TRIP4: variants seen among roughly 807,000 people sequenced by gnomAD.
TRIP4 encodes activating signal cointegrator 1.
In TRIP4, 54 loss-of-function variants were observed where a neutral mutation model predicts 81.8. The ratio of observed to expected loss-of-function variants is 0.66; its 90% CI spans 0.53 to 0.83. TRIP4 has a LOEUF of 0.83. Among genes scored for constraint, TRIP4 ranks in the 40% least tolerant of loss-of-function variants. TRIP4 has a pLI of 0.00. For synonymous variants in TRIP4, 270 were observed against 242.8 expected (o/e 1.11, Z -1.04); for missense variants, 662 against 683.6 (o/e 0.97, Z 0.35).
At chr15:64,436,926 C>T (rs1265174987) in intron 11 of TRIP4, among the ~76,000 whole-genome samples, 66 of 151,592 alleles carry the variant, frequency 4.4e-4, no homozygotes, top group Non-Finnish European at 5.9e-5. Context: ...CCAGGATGGT[C>T]TCCATCTCCT....
intron 4 of TRIP4, among the ~76,000 whole-genome samples, chr15:64,398,414 C>A (rs1036683147): frequency 2.2e-5 from 3 of 135,852 alleles, no homozygotes; most frequent in Admixed American, 7.4e-5. Context: ...GTAGGAAGAC[C>A]CTGTCTCTAC....
chr15:64,402,836 A>G (rs755630588), intron 5 of TRIP4, among the ~76,000 whole-genome samples: 1 of 148,500 alleles, frequency 6.7e-6, no homozygotes, highest in Non-Finnish European at 1.5e-5. Flanking sequence ...AGTTAAGGAC[A>G]TTATTTTTAT....
In TRIP4 at chr15:64,424,159, A is replaced by G. The variant is rs1892085810; in HGVS notation, c.1483+4A>G. On this transcript the variant is annotated splice_donor_region_variant and intron_variant, in intron 10 of 12. Coordinates refer to ENST00000261884, the MANE Select transcript of TRIP4 (RefSeq NM_016213.5). Reference sequence around the variant, plus strand: ...TATCGTCTTCTTCGTGGGAAAGGTAACAGCCGCATATTCTCCTTTCAATTT... The same window carrying G: ...TATCGTCTTCTTCGTGGGAAAGGTAGCAGCCGCATATTCTCCTTTCAATTT... The G allele has an allele frequency of 6.2e-7, 1 of 1,614,042 alleles. No individual in the cohort carries two copies. Among genetic ancestry groups the G allele is most frequent in the Non-Finnish European group, 8.5e-7 (1 of 1,180,028 alleles).
At chr15:64,427,605 G>T (rs1018419644) in intron 11 of TRIP4, among the ~76,000 whole-genome samples, 3 of 152,032 alleles carry the variant, frequency 2.0e-5, no homozygotes, top group Non-Finnish European at 2.9e-5. Flanking sequence ...TGAACTCCTG[G>T]CCTCAAGTGA....
intron 6 of TRIP4, among the ~76,000 whole-genome samples, chr15:64,408,950 C>T (rs1363162294): frequency 6.6e-6 from 1 of 152,094 alleles, no homozygotes; most frequent in Non-Finnish European, 1.5e-5. Context: ...CACAGTGGCT[C>T]ACACCTGTAA....
intron 1 of TRIP4, among the ~76,000 whole-genome samples, chr15:64,390,876 C>T (rs1439546427): frequency 6.6e-6 from 1 of 150,400 alleles, no homozygotes; most frequent in Non-Finnish European, 1.5e-5. Context: ...GCCTGGGCGA[C>T]AGAGCGAGAC....
At chr15:64,447,957 C>G (rs1892670725) in intron 12 of TRIP4, among the ~76,000 whole-genome samples, 1 of 152,162 alleles carries the variant, frequency 6.6e-6, no homozygotes, top group Non-Finnish European at 1.5e-5. Context: ...CCTTGGCCTC[C>G]TAAAGCGTTA....
At chr15:64,429,663 G>A (rs965984781) in intron 11 of TRIP4, among the ~76,000 whole-genome samples, 7 of 152,154 alleles carry the variant, frequency 4.6e-5, no homozygotes, top group African/African-American at 1.4e-4. Context: ...TACAGAACTG[G>A]TATCATGGTA....
At chr15:64,441,013 G>A (rs1198457872) in intron 11 of TRIP4, among the ~76,000 whole-genome samples, 2 of 149,716 alleles carry the variant, frequency 1.3e-5, no homozygotes, top group African/African-American at 4.9e-5. Context: ...TTATTTTTGA[G>A]ACCGAGTCTC....
chr15:64,397,723 G>A lies in TRIP4; in HGVS notation c.523G>A (p.Gly175Ser). The A allele has an allele frequency of 6.2e-7, 1 of 1,614,200 alleles. No homozygotes were observed. Among genetic ancestry groups the A allele is most frequent in the Non-Finnish European group, 8.5e-7 (1 of 1,180,034 alleles). The change falls in exon 4 of 13, where the codon GGC (glycine) becomes AGC (serine). Residue 175 changes from glycine (G) to serine (S), a missense_variant. By Grantham distance (56) the Gly-to-Ser change is moderately conservative. Coordinates refer to ENST00000261884, the MANE Select transcript of TRIP4 (RefSeq NM_016213.5). ...TGGTCGTCACCCTTGTGATTGCCTG[G>A]GCCAGAAGCACAAGCTCATCAATAA... ...LPGRHPCDCL[G>S]QKHKLINNCL... is the part of the protein sequence containing the mutation.
chr15:64,441,089 C>T (rs370337833), intron 11 of TRIP4, among the ~76,000 whole-genome samples: 515 of 152,022 alleles, frequency 3.4e-3, no homozygotes, highest in African/African-American at 0.012. Context: ...CTCCGCCTCC[C>T]GGGTTCACGC....
At chr15:64,415,578 G>A (rs929386588) in intron 8 of TRIP4, among the ~76,000 whole-genome samples, 1 of 152,122 alleles carries the variant, frequency 6.6e-6, no homozygotes, top group African/African-American at 2.4e-5. Flanking sequence ...CTCTGCCTCT[G>A]TCTTCACATG....
intron 8 of TRIP4, among the ~76,000 whole-genome samples, chr15:64,415,205 G>C (rs988835218): frequency 6.6e-6 from 1 of 152,094 alleles, no homozygotes; most frequent in Non-Finnish European, 1.5e-5. Flanking sequence ...CAAAAACATG[G>C]GATATAGATA....
intron 8 of TRIP4, among the ~76,000 whole-genome samples, chr15:64,416,826 T>C (rs1251440378): frequency 6.6e-6 from 1 of 152,140 alleles, no homozygotes; most frequent in Non-Finnish European, 1.5e-5. Flanking sequence ...TTTGTAAAAA[T>C]GTGTATTTTT....
chr15:64,454,899 G>T, intron 12 of TRIP4, 98 bp from the exon 13 acceptor site: 1 of 1,049,512 alleles, frequency 9.5e-7, no homozygotes, highest in Non-Finnish European at 1.4e-6. Flanking sequence ...ATAATTGAAT[G>T]TGACAGGAAC....
At chr15:64,389,767 C>T (rs766017118) in intron 1 of TRIP4, among the ~76,000 whole-genome samples, 3 of 137,038 alleles carry the variant, frequency 2.2e-5, no homozygotes, top group South Asian at 2.2e-4. Context: ...TGCAGTGGTG[C>T]GATCTCAGCT....
intron 8 of TRIP4, among the ~76,000 whole-genome samples, chr15:64,417,473 AG>A (rs1891913601): frequency 3.3e-5 from 5 of 151,660 alleles, no homozygotes; most frequent in Non-Finnish European, 5.9e-5. Context: ...TTTTTAAAAA[AG>A]ATAACCCCAA....
chr15:64,401,273 T>TTG (rs1891501061), intron 5 of TRIP4, among the ~76,000 whole-genome samples: 2 of 152,094 alleles, frequency 1.3e-5, no homozygotes, highest in African/African-American at 4.8e-5. Context: ...TAGCTGGGAC[T>TTG]ACAGGCACAT....
intron 4 of TRIP4, 146 bp downstream of exon 4, chr15:64,397,964 G>C (rs547820654): frequency 4.7e-6 from 4 of 846,722 alleles, no homozygotes; most frequent in Non-Finnish European, 7.1e-6. Flanking sequence ...GCAGTGGCAC[G>C]ATCTCGGCTC....
Sources: gnomAD v4.1 joint callset for allele counts (sites outside exome capture counted in the v4.1 genomes callset) on GRCh38, gnomAD v4.1.1 for gene constraint, MANE v1.5 for transcripts, NCBI Gene and HGNC (gene_info 2026-07-23, HGNC 2026-07-21) for gene names.